Variants in DNAJC5B observed in about 807,000 individuals in gnomAD.
DNAJC5B encodes the protein dnaJ homolog subfamily C member 5B.
Under a neutral mutation model 24.7 loss-of-function variants are expected in DNAJC5B, and 23 were observed. The observed-to-expected ratio is 0.93, with a 90% CI of 0.67 to 1.32. The LOEUF is 1.32. Ranked by LOEUF, DNAJC5B falls within the 40% of genes most tolerant of loss-of-function variation. The pLI is 0.00. For synonymous variants in DNAJC5B, 101 were observed against 90.1 expected, an observed-to-expected ratio of 1.12 and a Z score of -0.68; for missense variants, 238 against 240.8, an observed-to-expected ratio of 0.99 and a Z score of 0.08.
At chr8:66,060,430 T>G (rs1018387460) in intron 3 of DNAJC5B, among the ~76,000 whole-genome samples, 1 of 152,198 alleles carries the variant, frequency 6.6e-6, no homozygotes, top group African/African-American at 2.4e-5. Flanking sequence ...CTGGGACTTC[T>G]GGGAGGCCAC....
chr8:66,062,584 A>G (rs1207833005), intron 3 of DNAJC5B, among the ~76,000 whole-genome samples: 1 of 152,216 alleles, frequency 6.6e-6, no homozygotes, highest in Admixed American at 6.5e-5. Flanking sequence ...TTTCTCTAGC[A>G]TGTTGGGTGC....
intron 5 of DNAJC5B, among the ~76,000 whole-genome samples, chr8:66,085,990 T>G (rs1807716278): frequency 6.6e-6 from 1 of 152,220 alleles, no homozygotes; most frequent in African/African-American, 2.4e-5. Flanking sequence ...TTTGTAGTTT[T>G]TGGCATACAA....
intron 3 of DNAJC5B, among the ~76,000 whole-genome samples, chr8:66,063,970 C>G (rs145775553): frequency 0.011 from 1,632 of 152,214 alleles, 10 homozygotes; most frequent in Non-Finnish European, 0.018. Context: ...CAATGCTGGC[C>G]AGCAGAGAAA....
intron 3 of DNAJC5B, among the ~76,000 whole-genome samples, chr8:66,074,929 G>T (rs1206961536): frequency 1.3e-5 from 2 of 152,176 alleles, no homozygotes; most frequent in African/African-American, 4.8e-5. Flanking sequence ...CAACTCCATT[G>T]TTAGGAGTGT....
intron 1 of DNAJC5B, among the ~76,000 whole-genome samples, chr8:66,035,538 A>G (rs1272269465): frequency 1.3e-5 from 2 of 152,202 alleles, no homozygotes; most frequent in Non-Finnish European, 2.9e-5. Context: ...GCAGAACAGC[A>G]TGTGACATTG....
At position 66,087,623 on chromosome 8, in the gene DNAJC5B, C is replaced by T. The variant is rs193297370; in HGVS notation, c.505+7075C>T. Among the ~76,000 whole-genome samples the T allele has an allele frequency of 6.4e-3, 977 of 152,224 alleles. 8 individuals are homozygous for T. The highest frequency in any genetic ancestry group is 0.023 in the African/African-American group (946 of 41,538). The stretch of plus-strand genomic sequence containing the variant: ...TTCCAAGATACAATGGAGGTACAGG[C>T]GTTGGGTAAATGTTCCCATTCCAAA... On this transcript the variant is annotated intron_variant, in intron 5 of 5. Coordinates refer to ENST00000276570, the MANE Select transcript of DNAJC5B (RefSeq NM_033105.6).
chr8:66,077,634 C>T (rs547321454), intron 4 of DNAJC5B, among the ~76,000 whole-genome samples: 31 of 152,092 alleles, frequency 2.0e-4, no homozygotes, highest in Non-Finnish European at 3.5e-4. Flanking sequence ...ATTTTGTGGA[C>T]GGTTCACATT....
chr8:66,019,698 C>G (rs1806058879), upstream of DNAJC5B, among the ~76,000 whole-genome samples: 1 of 152,104 alleles, frequency 6.6e-6, no homozygotes, highest in South Asian at 2.1e-4. Flanking sequence ...TCTGAAGATG[C>G]CACATGAATA....
intron 3 of DNAJC5B, among the ~76,000 whole-genome samples, chr8:66,058,894 G>T (rs147335437): frequency 4.2e-4 from 64 of 152,272 alleles, no homozygotes; most frequent in Middle Eastern, 3.4e-3. Flanking sequence ...GAAGAGAAAT[G>T]AGATCTTTTT....
intron 3 of DNAJC5B, among the ~76,000 whole-genome samples, chr8:66,052,118 ATTTTTTT>A (rs748199400): frequency 1.5e-5 from 2 of 136,304 alleles, no homozygotes; most frequent in African/African-American, 5.4e-5. Flanking sequence ...CACCCAGCTA[ATTTTTTT>A]TTTTTTTTTT....
At chr8:66,031,495 G>A (rs1806360384) in intron 1 of DNAJC5B, among the ~76,000 whole-genome samples, 1 of 152,176 alleles carries the variant, frequency 6.6e-6, no homozygotes, top group South Asian at 2.1e-4. Flanking sequence ...GGGTTCTTCA[G>A]AGAAGCAGCA....
At position 66,064,244 on chromosome 8, in the gene DNAJC5B, C is replaced by G. The variant is rs114184026; in HGVS notation, c.120-12416C>G. Reference sequence around the variant, plus strand: ...TTGACGTAAAGATCAGAGGATAATGCTGTTTGTTTTTGCACTGAGAAAACT... The same window carrying G: ...TTGACGTAAAGATCAGAGGATAATGGTGTTTGTTTTTGCACTGAGAAAACT... On this transcript the variant is annotated intron_variant, in intron 3 of 5. Coordinates refer to ENST00000276570, the MANE Select transcript of DNAJC5B (RefSeq NM_033105.6). Among the ~76,000 whole-genome samples, 493 of 152,236 alleles carry G rather than the reference C, an allele frequency of 3.2e-3. 3 individuals carry two copies. The highest frequency in any genetic ancestry group is 0.011 in the African/African-American group (469 of 41,522).
chr8:66,034,541 C>G (rs1329000340), intron 1 of DNAJC5B, among the ~76,000 whole-genome samples: 1 of 151,858 alleles, frequency 6.6e-6, no homozygotes, highest in African/African-American at 2.4e-5. Flanking sequence ...GAAATGTAAG[C>G]ATCACGTGCA....
intron 3 of DNAJC5B, among the ~76,000 whole-genome samples, chr8:66,063,179 A>G (rs1214513850): frequency 1.3e-5 from 2 of 152,324 alleles, no homozygotes; most frequent in East Asian, 3.9e-4. Flanking sequence ...TTGACTTCAC[A>G]TGGAATTTTC....
chr8:66,054,182 C>A (rs1018416610), intron 3 of DNAJC5B, among the ~76,000 whole-genome samples: 15 of 151,964 alleles, frequency 9.9e-5, no homozygotes, highest in African/African-American at 3.6e-4. Context: ...AAAAAATAAT[C>A]AAAATATAAA....
chr8:66,080,453 G>A lies in DNAJC5B; in HGVS notation c.410G>A (p.Cys137Tyr). The A allele has an allele frequency of 6.2e-7, 1 of 1,614,104 alleles. No homozygotes were observed. Among genetic ancestry groups the A allele is most frequent in the Non-Finnish European group, 8.5e-7 (1 of 1,180,012 alleles). ...CTGTGCTGCTGCTGCAACTGCTGCT[G>A]TGGACACTGCCGGCCCGAGTCATCA... ...CCLCCCCNCC[C>Y]GHCRPESSVP... Residue 137 changes from cysteine to tyrosine, a missense_variant, in exon 5 of 6, where the codon TGT (cysteine) becomes TAT (tyrosine). Transcript: ENST00000276570.
intron 4 of DNAJC5B, 80 bp from the exon 5 acceptor site, chr8:66,080,297 G>T: frequency 4.5e-6 from 7 of 1,549,042 alleles, no homozygotes; most frequent in Non-Finnish European, 6.1e-6. Flanking sequence ...GGGGGTACCT[G>T]GGTACAGACT....
intron 1 of DNAJC5B, among the ~76,000 whole-genome samples, chr8:66,028,708 C>G (rs1339417235): frequency 6.6e-6 from 1 of 152,164 alleles, no homozygotes; most frequent in Admixed American, 6.5e-5. Context: ...GAACCCATCA[C>G]CTCAGCCAGT....
intron 5 of DNAJC5B, among the ~76,000 whole-genome samples, chr8:66,083,985 C>G (rs750710873): frequency 1.3e-5 from 2 of 152,190 alleles, no homozygotes; most frequent in Non-Finnish European, 2.9e-5. Context: ...CCAACAGGCC[C>G]TTGGAAGGCA....
Sources: gnomAD v4.1 joint callset for allele counts (sites outside exome capture counted in the v4.1 genomes callset) on GRCh38, gnomAD v4.1.1 for gene constraint, MANE v1.5 for transcripts, NCBI Gene and HGNC (gene_info 2026-07-23, HGNC 2026-07-21) for gene names.